TUT4: variants seen among roughly 807,000 people sequenced by gnomAD.
TUT4 encodes the protein terminal uridylyl transferase 4, also known as terminal uridylyltransferase 4.
In TUT4, 36 loss-of-function variants were observed where a neutral mutation model predicts 192.2. The observed-to-expected ratio is 0.19, with a 90% CI of 0.14 to 0.25. The LOEUF (loss-of-function observed/expected upper bound fraction) is 0.25, where lower values mean the gene tolerates loss of function less well. TUT4 is among the 10% of genes least tolerant of loss of function. The pLI, the probability that TUT4 is intolerant of heterozygous loss-of-function variation, is 1.00. For missense variants in TUT4, 1,493 were observed against 1,957.2 expected, an observed-to-expected ratio of 0.76 and a Z score of 4.47; for synonymous variants, 618 against 666.0, an observed-to-expected ratio of 0.93 and a Z score of 1.11.
chr1:52,538,196 G>A (rs1685481156), intron 1 of TUT4, among the ~76,000 whole-genome samples: 1 of 151,992 alleles, frequency 6.6e-6, no homozygotes, highest in African/African-American at 2.4e-5. Context: ...AGACTGCATC[G>A]CTGCACTCCA....
chr1:52,441,444 A>ATCTT (rs1553160600), intron 24 of TUT4, among the ~76,000 whole-genome samples: 4 of 119,984 alleles, frequency 3.3e-5, no homozygotes, highest in African/African-American at 1.5e-4. Context: ...TCTCGGCTAA[A>ATCTT]TTTTTTTTTT....
intron 13 of TUT4, among the ~76,000 whole-genome samples, chr1:52,474,090 C>G (rs1205316820): frequency 6.6e-6 from 1 of 152,130 alleles, no homozygotes; most frequent in African/African-American, 2.4e-5. Context: ...CGCCTGTTGT[C>G]CCAGCTACTC....
intron 24 of TUT4, among the ~76,000 whole-genome samples, chr1:52,440,679 T>C (rs903002852): frequency 6.6e-5 from 10 of 152,144 alleles, no homozygotes; most frequent in Admixed American, 3.3e-4. Flanking sequence ...AATCCACTTT[T>C]CTCTATCCTT....
intron 28 of TUT4, among the ~76,000 whole-genome samples, chr1:52,430,242 C>G (rs980613484): frequency 6.6e-6 from 1 of 152,036 alleles, no homozygotes; most frequent in African/African-American, 2.4e-5. Context: ...CAAAGAAATT[C>G]GTTTAACTCT....
intron 19 of TUT4, among the ~76,000 whole-genome samples, chr1:52,459,446 G>A (rs1218955788): frequency 1.3e-5 from 2 of 151,898 alleles, no homozygotes; most frequent in African/African-American, 4.8e-5. Context: ...AAAAATAGTT[G>A]GGCATGGTGG....
At chr1:52,445,578 G>A (rs936857439) in intron 24 of TUT4, among the ~76,000 whole-genome samples, 6 of 152,028 alleles carry the variant, frequency 3.9e-5, no homozygotes, top group African/African-American at 1.4e-4. Flanking sequence ...ATAGTCTAGT[G>A]GAGAAGACAG....
intron 3 of TUT4, among the ~76,000 whole-genome samples, chr1:52,511,031 G>A (rs1677009722): frequency 1.3e-5 from 2 of 152,172 alleles, no homozygotes; most frequent in Non-Finnish European, 2.9e-5. Flanking sequence ...TTCAGCTTCT[G>A]ACAAAAAGAT....
chr1:52,491,545 G>A (rs944171365), intron 7 of TUT4, among the ~76,000 whole-genome samples: 27 of 152,112 alleles, frequency 1.8e-4, no homozygotes, highest in African/African-American at 6.0e-4. Flanking sequence ...AAAATTATCC[G>A]GGCATGGTGG....
chr1:52,492,779 A>G (rs993097372), intron 7 of TUT4, among the ~76,000 whole-genome samples: 1 of 152,260 alleles, frequency 6.6e-6, no homozygotes, highest in African/African-American at 2.4e-5. Context: ...TTTCTTACCT[A>G]TATGAATGAT....
chr1:52,520,162 C>A (rs116758012), intron 2 of TUT4, among the ~76,000 whole-genome samples: 1 of 152,052 alleles, frequency 6.6e-6, no homozygotes, highest in Non-Finnish European at 1.5e-5. Flanking sequence ...GAAAACTATG[C>A]GGATGGAGCA....
rs1279875534 is a variant in TUT4 at position 52,517,457 on chromosome 1, T to A, written c.719-1403A>T. Among the ~76,000 whole-genome samples, 3 of 152,214 alleles carry A rather than the reference T, an allele frequency of 2.0e-5. No individual in the cohort carries two copies. The East Asian group carries it at 5.8e-4, about 29-fold the overall frequency. Reference sequence around the variant, plus strand: ...CTCAAAATTGCATGGCATTCTGTCCTCAAAATTGCATGGCATCTAGAGGAA... The same window carrying A: ...CTCAAAATTGCATGGCATTCTGTCCACAAAATTGCATGGCATCTAGAGGAA... On this transcript the variant is annotated intron_variant, in intron 2 of 29. Coordinates refer to ENST00000257177, the MANE Select transcript of TUT4 (RefSeq NM_001009881.3).
chr1:52,499,915 A>T (rs1278197949), intron 4 of TUT4, among the ~76,000 whole-genome samples: 1 of 151,124 alleles, frequency 6.6e-6, no homozygotes, highest in Non-Finnish European at 1.5e-5. Flanking sequence ...TACTAAATTA[A>T]AAAAATATAT....
intron 7 of TUT4, 74 bp downstream of exon 7, chr1:52,493,537 T>C: frequency 9.4e-7 from 1 of 1,064,246 alleles, no homozygotes; most frequent in Non-Finnish European, 1.3e-6. Context: ...TGGTTAGCCA[T>C]ATATAAACAA....
chr1:52,506,398 T>C (rs148162040), intron 4 of TUT4, among the ~76,000 whole-genome samples: 90 of 152,322 alleles, frequency 5.9e-4, no homozygotes, highest in East Asian at 5.4e-3. Flanking sequence ...CAGACTGAAC[T>C]GGGAAGTATT....
chr1:52,535,271 T>C (rs1405635791), intron 1 of TUT4: 1 of 152,178 alleles, frequency 6.6e-6, no homozygotes, highest in Middle Eastern at 3.2e-3. Context: ...AATTTTCTTA[T>C]CTTTTCTCTC....
At chr1:52,471,922 T>C in intron 14 of TUT4, 30 bp downstream of exon 14, 1 of 1,585,070 alleles carries the variant, frequency 6.3e-7, no homozygotes, top group Non-Finnish European at 8.6e-7. Flanking sequence ...AGGAATCTAG[T>C]CCCAATAGTT....
chr1:52,542,630 T>A (rs984910293), intron 1 of TUT4, among the ~76,000 whole-genome samples: 2 of 152,136 alleles, frequency 1.3e-5, no homozygotes, highest in Non-Finnish European at 1.5e-5. Flanking sequence ...AGAAACTACT[T>A]CAATATAATA....
At chr1:52,437,935 A>C (rs1654312396) in intron 25 of TUT4, among the ~76,000 whole-genome samples, 1 of 152,186 alleles carries the variant, frequency 6.6e-6, no homozygotes, top group Non-Finnish European at 1.5e-5. Flanking sequence ...AGCCTGGGCG[A>C]CAGGGCGAGA....
chr1:52,515,809 GAAAAAT>G, intron 3 of TUT4, 76 bp downstream of exon 3: 1 of 1,537,184 alleles, frequency 6.5e-7, no homozygotes. Context: ...ATGAATAAAA[GAAAAAT>G]AAAAAAAGCT....
Sources: gnomAD v4.1 joint callset for allele counts (sites outside exome capture counted in the v4.1 genomes callset) on GRCh38, gnomAD v4.1.1 for gene constraint, MANE v1.5 for transcripts, NCBI Gene and HGNC (gene_info 2026-07-23, HGNC 2026-07-21) for gene names.